ACER2: variants seen among roughly 807,000 people sequenced by gnomAD.
ACER2 encodes the protein alkCDase 2.
ACER2 carries 26 observed loss-of-function variants against 34.7 expected under a neutral mutation model. The ratio of observed to expected loss-of-function variants is 0.75; its 90% confidence interval spans 0.55 to 1.04. The LOEUF (loss-of-function observed/expected upper bound fraction) is 1.04, where lower values mean the gene tolerates loss of function less well. Ranked by LOEUF, ACER2 falls within the 50% of genes least tolerant of loss-of-function variation. ACER2 has a pLI of 0.00. For missense variants in ACER2, 352 were observed against 340.8 expected (o/e 1.03, Z -0.26); for synonymous variants, 138 against 132.1 (o/e 1.04, Z -0.31).
At chr9:19,422,329 A>G (rs1431487377) in intron 1 of ACER2, among the ~76,000 whole-genome samples, 1 of 151,994 alleles carries the variant, frequency 6.6e-6, no homozygotes, top group East Asian at 1.9e-4. Flanking sequence ...CTATCTCATT[A>G]ATGATATTTA....
intron 4 of ACER2, among the ~76,000 whole-genome samples, chr9:19,441,870 G>A (rs1458137715): frequency 3.3e-5 from 5 of 152,068 alleles, no homozygotes; most frequent in Non-Finnish European, 7.3e-5. Context: ...CCTCTTTCCC[G>A]AATCTTCCCT....
At chr9:19,422,174 G>A (rs1830425270) in intron 1 of ACER2, among the ~76,000 whole-genome samples, 1 of 151,358 alleles carries the variant, frequency 6.6e-6, no homozygotes, top group South Asian at 2.1e-4. Flanking sequence ...GGTGGTGCAT[G>A]CCTGTAATCC....
At chr9:19,444,761 A>G (rs1563891766) in intron 4 of ACER2, among the ~76,000 whole-genome samples, 1 of 152,228 alleles carries the variant, frequency 6.6e-6, no homozygotes, top group Non-Finnish European at 1.5e-5. Flanking sequence ...CATTCAAGGT[A>G]GAGAGTGGTA....
At chr9:19,450,207 TC>T in intron 5 of ACER2, 2 of 985,424 alleles carry the variant, frequency 2.0e-6, no homozygotes, top group Non-Finnish European at 1.2e-6. Flanking sequence ...GCACATTTGT[TC>T]CTATTATCCA....
chr9:19,418,875 G>T (rs1004873056), intron 1 of ACER2, among the ~76,000 whole-genome samples: 2 of 152,140 alleles, frequency 1.3e-5, no homozygotes, highest in African/African-American at 4.8e-5. Flanking sequence ...TAAGGGCTTT[G>T]ATCATAACAA....
intron 3 of ACER2, among the ~76,000 whole-genome samples, chr9:19,431,517 A>AT (rs1830751959): frequency 6.6e-6 from 1 of 152,200 alleles, no homozygotes; most frequent in Non-Finnish European, 1.5e-5. Context: ...AAAAGGCCCA[A>AT]TTGCCTTGGC....
chr9:19,443,069 C>T (rs181547639), intron 4 of ACER2, among the ~76,000 whole-genome samples: 36 of 152,200 alleles, frequency 2.4e-4, no homozygotes, highest in East Asian at 9.6e-4. Flanking sequence ...CTTGCTCAGT[C>T]GCCCAGGCTG....
intron 4 of ACER2, among the ~76,000 whole-genome samples, chr9:19,444,341 A>G (rs1449694257): frequency 1.3e-5 from 2 of 151,400 alleles, no homozygotes; most frequent in Non-Finnish European, 2.9e-5. Flanking sequence ...CCTCCCGAGT[A>G]GCTGGGACTA....
intron 5 of ACER2, among the ~76,000 whole-genome samples, chr9:19,448,697 C>T (rs556637338): frequency 1.3e-5 from 2 of 152,228 alleles, no homozygotes; most frequent in Admixed American, 1.3e-4. Context: ...TCTCCATTAA[C>T]CTGTTTGAGA....
chr9:19,436,012 G>C (rs998690079), intron 4 of ACER2, among the ~76,000 whole-genome samples: 1 of 152,122 alleles, frequency 6.6e-6, no homozygotes. Context: ...TTGTGCCACT[G>C]CATTCCAGCC....
chr9:19,421,935 G>T (rs1360631930), intron 1 of ACER2, among the ~76,000 whole-genome samples: 1 of 152,120 alleles, frequency 6.6e-6, no homozygotes, highest in African/African-American at 2.4e-5. Flanking sequence ...CCAAACTGAG[G>T]CTTGTTGTGA....
chr9:19,426,994 A>G lies in ACER2; in HGVS notation c.365+2153A>G, dbSNP rs907409174. On this transcript the variant is annotated intron_variant, in intron 3 of 5. Coordinates refer to ENST00000340967, the MANE Select transcript of ACER2 (RefSeq NM_001010887.3). ...ATTTCTCTGGGGAAGATGTGAAGATATAGCCACTCTGTCCTCCTTTGGAGG... is the reference window on the plus strand; with the variant it reads ...ATTTCTCTGGGGAAGATGTGAAGATGTAGCCACTCTGTCCTCCTTTGGAGG... 2.4e-4 allele frequency among the ~76,000 whole-genome samples: 37 copies of G among 152,256 alleles called. 1 individual carries two copies. The highest frequency in any genetic ancestry group is 1.5e-4 in the Non-Finnish European group (10 of 68,048).
In ACER2 at chr9:19,445,622, A is replaced by G. The variant is rs138125959; in HGVS notation, c.504-659A>G. ...CAGGCAAGAGGGCACAGTGAGTGCT[A>G]TGGTCTTGCAGGAGCATGCTTGGGA... On this transcript the variant is annotated intron_variant, in intron 4 of 5. Coordinates refer to ENST00000340967, the MANE Select transcript of ACER2 (RefSeq NM_001010887.3). 5.9e-5 allele frequency among the ~76,000 whole-genome samples: 9 copies of G among 152,344 alleles called. No homozygotes were observed. In the South Asian group the frequency reaches 1.2e-3, roughly 21 times the overall value.
At chr9:19,422,773 A>G (rs1041529550) in intron 1 of ACER2, among the ~76,000 whole-genome samples, 5 of 151,962 alleles carry the variant, frequency 3.3e-5, no homozygotes, top group Admixed American at 1.3e-4. Flanking sequence ...GCTCATGCCT[A>G]TAATCCCAGA....
At chr9:19,412,147 G>T (rs1178618942) in intron 1 of ACER2, among the ~76,000 whole-genome samples, 2 of 152,080 alleles carry the variant, frequency 1.3e-5, no homozygotes, top group Non-Finnish European at 2.9e-5. Context: ...CCTGTCTTGG[G>T]ATCATTTTAT....
chr9:19,415,666 T>C (rs1830221293), intron 1 of ACER2, among the ~76,000 whole-genome samples: 2 of 152,204 alleles, frequency 1.3e-5, no homozygotes, highest in Non-Finnish European at 1.5e-5. Flanking sequence ...GGTGGAAATA[T>C]AACCCAAGAA....
At chr9:19,417,294 C>G (rs1371868323) in intron 1 of ACER2, among the ~76,000 whole-genome samples, 1 of 152,202 alleles carries the variant, frequency 6.6e-6, no homozygotes, top group Non-Finnish European at 1.5e-5. Context: ...AATGGCCATA[C>G]TGCCCAAGGT....
intron 1 of ACER2, among the ~76,000 whole-genome samples, chr9:19,421,779 GAA>G (rs147335702): frequency 1.3e-5 from 2 of 149,578 alleles, no homozygotes; most frequent in African/African-American, 4.9e-5. Context: ...TTAAAGTTCA[GAA>G]AAAAAAAGCT....
In ACER2 at chr9:19,426,270, CTTTCTCTT is replaced by C. The variant is rs1464333724; in HGVS notation, c.365+1431_365+1438del. 4.1e-3 allele frequency among the ~76,000 whole-genome samples: 604 copies of C among 146,262 alleles called. 5 individuals are homozygous for C. Among genetic ancestry groups the C allele is most frequent in the African/African-American group, 0.015 (582 of 39,600 alleles). ...AATTAACACATTAATCTCTTTCTTT[CTTTCTCTT>C]TCTTTCTTTCTTTTTCTGTCTTTCT... On this transcript the variant is annotated intron_variant, in intron 3 of 5. Transcript: ENST00000340967.
Sources: allele counts gnomAD v4.1 joint callset (sites outside exome capture counted in the v4.1 genomes callset), GRCh38; gene constraint gnomAD v4.1.1; transcripts MANE v1.5; gene names NCBI Gene and HGNC (gene_info 2026-07-23, HGNC 2026-07-21).